Variants in ARHGAP10 observed in about 807,000 individuals in gnomAD.
ARHGAP10 encodes the protein Rho GTPase activating protein 10.
Under a neutral mutation model 108.6 loss-of-function variants are expected in ARHGAP10, and 87 were observed. The observed-to-expected ratio is 0.80, with a 90% CI of 0.67 to 0.96. The LOEUF (loss-of-function observed/expected upper bound fraction) is 0.96. Ranked by LOEUF, ARHGAP10 falls within the 40% of genes least tolerant of loss-of-function variation. ARHGAP10 has a pLI of 0.00. For missense variants in ARHGAP10, 939 were observed against 954.5 expected, an observed-to-expected ratio of 0.98 and a Z score of 0.21; for synonymous variants, 347 against 341.1, an observed-to-expected ratio of 1.02 and a Z score of -0.19.
At chr4:148,002,753 G>A (rs908659283) in intron 18 of ARHGAP10, among the ~76,000 whole-genome samples, 1 of 152,098 alleles carries the variant, frequency 6.6e-6, no homozygotes, top group African/African-American at 2.4e-5. Context: ...TGGGATCAGT[G>A]GTGATATCCT....
At chr4:147,779,343 A>G (rs1730433547) in intron 1 of ARHGAP10, among the ~76,000 whole-genome samples, 1 of 152,194 alleles carries the variant, frequency 6.6e-6, no homozygotes, top group Non-Finnish European at 1.5e-5. Context: ...CCCTGGGCCC[A>G]GGGATCTTGA....
At chr4:147,832,954 A>G (rs1437990077) in intron 3 of ARHGAP10, among the ~76,000 whole-genome samples, 1 of 152,160 alleles carries the variant, frequency 6.6e-6, no homozygotes, top group African/African-American at 2.4e-5. Context: ...AGACCACTTA[A>G]GGAAGAAATA....
chr4:147,906,148 G>A (rs1326474484), intron 10 of ARHGAP10, among the ~76,000 whole-genome samples: 1 of 152,084 alleles, frequency 6.6e-6, no homozygotes, highest in Admixed American at 6.6e-5. Context: ...ATATTCATAT[G>A]TATATTCCAT....
intron 1 of ARHGAP10, among the ~76,000 whole-genome samples, chr4:147,822,067 ATAAAT>A (rs1419016093): frequency 6.6e-5 from 10 of 152,350 alleles, no homozygotes; most frequent in African/African-American, 2.4e-4. Flanking sequence ...GGCCTGTAAA[ATAAAT>A]GTTAGCCTAT....
chr4:147,875,177 G>T (rs763589122), intron 8 of ARHGAP10, 27 bp downstream of exon 8: 1 of 1,535,000 alleles, frequency 6.5e-7, no homozygotes, highest in African/African-American at 1.4e-5. Flanking sequence ...CAGTGGCTGC[G>T]TGGCTGCTTA....
Position 147,985,086 on chromosome 4 carries a change from G to A in ARHGAP10, c.1716+18247G>A, listed in dbSNP as rs189585255. 3.4e-3 allele frequency among the ~76,000 whole-genome samples: 515 copies of A among 152,146 alleles called. 2 individuals are homozygous for A. The highest frequency in any genetic ancestry group is 0.012 in the African/African-American group (495 of 41,458). Reference sequence around the variant, plus strand: ...CAGTGGAGCTGCCTAATCTCATCCAGGAGAGTGGGTCCTCCAGGTGCCAGG... The same window carrying A: ...CAGTGGAGCTGCCTAATCTCATCCAAGAGAGTGGGTCCTCCAGGTGCCAGG... On this transcript the variant is annotated intron_variant, in intron 18 of 22. Transcript: ENST00000336498.
chr4:148,040,334 T>C (rs982974658), intron 19 of ARHGAP10, among the ~76,000 whole-genome samples: 9 of 152,060 alleles, frequency 5.9e-5, no homozygotes, highest in African/African-American at 9.6e-5. Flanking sequence ...ACCCTACAGG[T>C]TTTTTTGTTT....
At chr4:147,991,597 C>T (rs1431762189) in intron 18 of ARHGAP10, among the ~76,000 whole-genome samples, 1 of 152,142 alleles carries the variant, frequency 6.6e-6, no homozygotes, top group Non-Finnish European at 1.5e-5. Context: ...TCCCAGAAGG[C>T]GAGGAGGTAT....
intron 6 of ARHGAP10, 42 bp from the exon 7 acceptor site, chr4:147,866,670 G>A (rs748514444): frequency 5.3e-5 from 77 of 1,446,576 alleles, no homozygotes; most frequent in Non-Finnish European, 2.9e-6. Flanking sequence ...TTTTTCTCCT[G>A]AGTTTTTTTG....
At chr4:147,929,825 A>G (rs1737602753) in intron 13 of ARHGAP10, among the ~76,000 whole-genome samples, 1 of 152,204 alleles carries the variant, frequency 6.6e-6, no homozygotes, top group Non-Finnish European at 1.5e-5. Context: ...AAGGCATCTA[A>G]AATAATGATT....
chr4:147,762,392 T>G (rs1369807065), intron 1 of ARHGAP10, among the ~76,000 whole-genome samples: 1 of 152,090 alleles, frequency 6.6e-6, no homozygotes, highest in African/African-American at 2.4e-5. Context: ...TTGGTAGACC[T>G]AAAGATAATT....
chr4:147,899,631 A>G (rs1391929415), intron 10 of ARHGAP10, among the ~76,000 whole-genome samples: 2 of 152,068 alleles, frequency 1.3e-5, no homozygotes, highest in African/African-American at 4.8e-5. Context: ...GTGCTCTATT[A>G]GAAACTTTTT....
At chr4:147,823,404 CCTTGG>C (rs1732584576) in intron 3 of ARHGAP10, among the ~76,000 whole-genome samples, 2 of 152,040 alleles carry the variant, frequency 1.3e-5, no homozygotes, top group Non-Finnish European at 2.9e-5. Context: ...AGAACTTGGG[CCTTGG>C]AGGTCTTTGA....
intron 14 of ARHGAP10, among the ~76,000 whole-genome samples, chr4:147,946,024 T>C (rs1171115921): frequency 2.0e-5 from 3 of 152,186 alleles, no homozygotes; most frequent in African/African-American, 7.2e-5. Context: ...TGTGGGCCCT[T>C]AGTCTAAGCC....
chr4:148,010,335 A>T (rs922617272), intron 18 of ARHGAP10, among the ~76,000 whole-genome samples: 5 of 152,170 alleles, frequency 3.3e-5, no homozygotes, highest in African/African-American at 1.2e-4. Flanking sequence ...GAACATTATG[A>T]TCTTGTGTCC....
chr4:148,050,893 A>G (rs914383383), intron 20 of ARHGAP10, among the ~76,000 whole-genome samples: 1 of 152,238 alleles, frequency 6.6e-6, no homozygotes, highest in Non-Finnish European at 1.5e-5. Flanking sequence ...CCTTTTAACC[A>G]AAGTTGCTAT....
intron 4 of ARHGAP10, among the ~76,000 whole-genome samples, chr4:147,848,048 T>C (rs180896367): frequency 4.2e-4 from 64 of 151,910 alleles, no homozygotes; most frequent in Admixed American, 2.2e-3. Context: ...GAAGGGAGTT[T>C]TTATATTTGT....
intron 1 of ARHGAP10, among the ~76,000 whole-genome samples, chr4:147,793,761 A>G (rs1731212095): frequency 6.6e-6 from 1 of 152,152 alleles, no homozygotes; most frequent in Non-Finnish European, 1.5e-5. Context: ...GAAACAAATC[A>G]TCCGTGCCTG....
rs2149635432 is a variant in ARHGAP10, at chr4:147,990,628, C to T, written c.1716+23789C>T. On this transcript the variant is annotated intron_variant, in intron 18 of 22. Transcript: ENST00000336498. ...AAAAAGAACAAGATCATGTCCTTTG[C>T]AGCAACATGGATGGAGCTGGAGGTC... 1.3e-5 allele frequency among the ~76,000 whole-genome samples: 2 copies of T among 152,260 alleles called. 1 individual carries two copies. The highest frequency in any genetic ancestry group is 4.2e-4 in the South Asian group (2 of 4,818).
Sources: gnomAD v4.1 joint callset for allele counts (sites outside exome capture counted in the v4.1 genomes callset) on GRCh38, gnomAD v4.1.1 for gene constraint, MANE v1.5 for transcripts, NCBI Gene and HGNC (gene_info 2026-07-23, HGNC 2026-07-21) for gene names.